Variants in LRRC4C observed in about 807,000 individuals in gnomAD.
LRRC4C encodes leucine rich repeat containing 4C.
Under a neutral mutation model 33.6 loss-of-function variants are expected in LRRC4C, and 5 were observed. The observed-to-expected ratio is 0.15, with a 90% CI of 0.08 to 0.31. LRRC4C has a LOEUF of 0.31. Ranked by LOEUF, LRRC4C falls within the 10% of genes least tolerant of loss-of-function variation. The probability of loss-of-function intolerance (pLI) is 1.00; values close to 1 mark genes in which losing one functional copy is unlikely to be tolerated. For missense variants in LRRC4C, 560 were observed against 796.7 expected (o/e 0.70, Z 3.58); for synonymous variants, 329 against 302.0 (o/e 1.09, Z -0.93).
chr11:40,603,787 G>A lies in LRRC4C; in HGVS notation c.-270+44355C>T, dbSNP rs138389819. On this transcript the variant is annotated intron_variant, in intron 3 of 6. Coordinates refer to ENST00000528697, the MANE Select transcript of LRRC4C (RefSeq NM_001258419.2). ...AGTTAAGTGATAATCATATTCCCAA[G>A]CCACAGCATCTAAGAGGAAATGAAA... 1.4e-3 allele frequency among the ~76,000 whole-genome samples: 217 copies of A among 152,220 alleles called. 1 individual carries two copies. The highest frequency in any genetic ancestry group is 5.0e-3 in the African/African-American group (206 of 41,556).
intron 1 of LRRC4C, chr11:41,123,072 G>A (rs1220920338): frequency 6.6e-6 from 1 of 151,902 alleles, no homozygotes; most frequent in Non-Finnish European, 1.5e-5. Context: ...GGAAGAACTT[G>A]AGATCATCCA....
intron 2 of LRRC4C, among the ~76,000 whole-genome samples, chr11:40,742,286 C>T (rs1467304849): frequency 6.6e-6 from 1 of 151,972 alleles, no homozygotes; most frequent in Non-Finnish European, 1.5e-5. Context: ...CATCTGAGAA[C>T]AGGATTAGTT....
intron 2 of LRRC4C, among the ~76,000 whole-genome samples, chr11:40,681,631 G>A (rs1425886133): frequency 6.6e-6 from 1 of 152,024 alleles, no homozygotes. Flanking sequence ...TGGGTGTTGT[G>A]GCTTACACCT....
chr11:40,864,049 CTTATTTATTTATAT>C (rs771891293), intron 2 of LRRC4C, among the ~76,000 whole-genome samples: 25 of 151,752 alleles, frequency 1.6e-4, no homozygotes, highest in Non-Finnish European at 2.4e-4. Context: ...TAAACATTTA[CTTATTTATTTATAT>C]TTATTTATTT....
chr11:40,367,672 T>G (rs542710304), intron 3 of LRRC4C, among the ~76,000 whole-genome samples: 1 of 152,270 alleles, frequency 6.6e-6, no homozygotes, highest in Admixed American at 6.5e-5. Flanking sequence ...TAGTTATCCA[T>G]ATATCTTATG....
chr11:40,739,800 C>T (rs1209061222), intron 2 of LRRC4C, among the ~76,000 whole-genome samples: 2 of 151,992 alleles, frequency 1.3e-5, no homozygotes, highest in Non-Finnish European at 2.9e-5. Flanking sequence ...CCTGAGGTCT[C>T]CCCAGCCATG....
intron 2 of LRRC4C, among the ~76,000 whole-genome samples, chr11:40,720,097 C>T (rs1004681307): frequency 3.9e-5 from 6 of 152,128 alleles, no homozygotes; most frequent in Non-Finnish European, 8.8e-5. Flanking sequence ...GGGACCCATT[C>T]TCCCAGGACT....
At chr11:41,437,425 GCACA>G (rs58445388) in intron 1 of LRRC4C, among the ~76,000 whole-genome samples, 1 of 149,160 alleles carries the variant, frequency 6.7e-6, no homozygotes, top group African/African-American at 2.5e-5. Context: ...GCGCGCGCGC[GCACA>G]CACACACACA....
At chr11:40,925,759 T>C (rs1957385754) in intron 2 of LRRC4C, among the ~76,000 whole-genome samples, 1 of 152,204 alleles carries the variant, frequency 6.6e-6, no homozygotes. Context: ...TCATTTACTT[T>C]ATTGTCTGTA....
chr11:40,354,375 G>T (rs1333714430), intron 3 of LRRC4C, among the ~76,000 whole-genome samples: 1 of 152,146 alleles, frequency 6.6e-6, no homozygotes, highest in Non-Finnish European at 1.5e-5. Flanking sequence ...GAGCTCTTCA[G>T]TCAGCAGGTG....
intron 1 of LRRC4C, among the ~76,000 whole-genome samples, chr11:41,184,932 C>A (rs1242811649): frequency 6.6e-6 from 1 of 151,818 alleles, no homozygotes; most frequent in Non-Finnish European, 1.5e-5. Flanking sequence ...TGGTGGCAGG[C>A]AAATAGAGAA....
chr11:40,606,586 A>G (rs923158793), intron 3 of LRRC4C, among the ~76,000 whole-genome samples: 2 of 152,180 alleles, frequency 1.3e-5, no homozygotes, highest in African/African-American at 4.8e-5. Flanking sequence ...GAGGTATGTA[A>G]AGTACATGAC....
At chr11:40,996,947 T>A (rs1035947345) in intron 1 of LRRC4C, among the ~76,000 whole-genome samples, 1 of 152,204 alleles carries the variant, frequency 6.6e-6, no homozygotes, top group Admixed American at 6.5e-5. Flanking sequence ...GAGATCAAAC[T>A]TTTTTTCAAC....
At chr11:41,352,202 C>T (rs1014653912) in intron 1 of LRRC4C, among the ~76,000 whole-genome samples, 2 of 152,212 alleles carry the variant, frequency 1.3e-5, no homozygotes, top group African/African-American at 4.8e-5. Context: ...AAAGAGCAGG[C>T]ATTGCTATTC....
intron 1 of LRRC4C, among the ~76,000 whole-genome samples, chr11:41,276,607 C>A (rs1949493433): frequency 6.6e-6 from 1 of 152,158 alleles, no homozygotes; most frequent in South Asian, 2.1e-4. Flanking sequence ...CAAAATAACA[C>A]CCCTTTCTTC....
intron 5 of LRRC4C, among the ~76,000 whole-genome samples, chr11:40,154,259 C>T (rs1858473928): frequency 7.0e-6 from 1 of 143,366 alleles, no homozygotes. Flanking sequence ...TACCATTTGC[C>T]TATAAAACAA....
intron 3 of LRRC4C, among the ~76,000 whole-genome samples, chr11:40,360,162 T>C (rs1262151273): frequency 1.3e-5 from 2 of 152,100 alleles, no homozygotes; most frequent in Non-Finnish European, 2.9e-5. Flanking sequence ...TGAAAGAAGG[T>C]AAACAAATGA....
At chr11:40,843,695 C>T (rs1379467319) in intron 2 of LRRC4C, among the ~76,000 whole-genome samples, 2 of 152,102 alleles carry the variant, frequency 1.3e-5, no homozygotes, top group African/African-American at 2.4e-5. Flanking sequence ...ACCATTTATT[C>T]CATAATAGTT....
At chr11:40,176,262 G>A (rs980926643) in intron 5 of LRRC4C, among the ~76,000 whole-genome samples, 2 of 152,002 alleles carry the variant, frequency 1.3e-5, no homozygotes, top group Admixed American at 6.5e-5. Flanking sequence ...AAGATAGAAC[G>A]CGGCATTATG....
Sources: allele counts gnomAD v4.1 joint callset (sites outside exome capture counted in the v4.1 genomes callset), GRCh38; gene constraint gnomAD v4.1.1; transcripts MANE v1.5; gene names NCBI Gene and HGNC (gene_info 2026-07-23, HGNC 2026-07-21).